TMTC2: variants seen among roughly 807,000 people sequenced by gnomAD.
TMTC2 encodes transmembrane O-mannosyltransferase targeting cadherins 2, also known as protein O-mannosyl-transferase TMTC2.
Under a neutral mutation model 82.4 loss-of-function variants are expected in TMTC2, and 43 were observed. The ratio of observed to expected loss-of-function variants is 0.52; its 90% CI spans 0.41 to 0.67. The LOEUF (loss-of-function observed/expected upper bound fraction) is 0.67. Ranked by LOEUF, TMTC2 falls within the 30% of genes least tolerant of loss-of-function variation. The pLI is 0.00. For synonymous variants in TMTC2, 408 were observed against 381.9 expected, an observed-to-expected ratio of 1.07 and a Z score of -0.80; for missense variants, 919 against 1,012.4, an observed-to-expected ratio of 0.91 and a Z score of 1.25.
intron 2 of TMTC2, among the ~76,000 whole-genome samples, chr12:82,891,733 A>G (rs1873405838): frequency 6.6e-6 from 1 of 152,088 alleles, no homozygotes; most frequent in African/African-American, 2.4e-5. Context: ...GTACATGTGC[A>G]GGATATACAG....
chr12:82,951,299 C>CTT lies in TMTC2; in HGVS notation c.1599-13716_1599-13715dup, dbSNP rs5799600. On this transcript the variant is annotated intron_variant, in intron 4 of 11. Transcript: ENST00000321196. ...CAATACCCTTCCCAGTGGAATTTAA[C>CTT]TTTTTTTTTTGAAATGGAGTCTCGC... 2.5e-4 allele frequency among the ~76,000 whole-genome samples: 37 copies of CTT among 149,660 alleles called. 2 individuals carry two copies. In the South Asian group the frequency reaches 2.7e-3, roughly 11 times the overall value.
At chr12:83,129,772 G>A (rs917449095) in intron 11 of TMTC2, among the ~76,000 whole-genome samples, 11 of 152,008 alleles carry the variant, frequency 7.2e-5, no homozygotes, top group Non-Finnish European at 1.3e-4. Context: ...CAATAATGTG[G>A]GTATTCTCAT....
chr12:82,833,847 C>T (rs181153700), intron 1 of TMTC2, among the ~76,000 whole-genome samples: 1 of 152,246 alleles, frequency 6.6e-6, no homozygotes, highest in Admixed American at 6.5e-5. Flanking sequence ...CCATGGTCTT[C>T]TCTTAAACAA....
At chr12:82,705,438 G>C (rs1341455414) in intron 1 of TMTC2, among the ~76,000 whole-genome samples, 1 of 152,198 alleles carries the variant, frequency 6.6e-6, no homozygotes, top group Non-Finnish European at 1.5e-5. Flanking sequence ...TGTATTCTGA[G>C]AACTTATGTC....
At chr12:83,088,027 T>C (rs908100289) in intron 11 of TMTC2, among the ~76,000 whole-genome samples, 4 of 152,232 alleles carry the variant, frequency 2.6e-5, no homozygotes, top group African/African-American at 7.2e-5. Context: ...AAAATTTGTT[T>C]AGTACAGCCA....
intron 1 of TMTC2, chr12:82,758,819 T>C (rs1876469415): frequency 6.6e-6 from 1 of 152,224 alleles, no homozygotes. Flanking sequence ...GATGTAAATA[T>C]TTATCCAGTG....
chr12:82,857,093 T>A lies in TMTC2; in HGVS notation c.167T>A (p.Leu56Gln). Residue 56 changes from leucine (L) to glutamine (Q), a missense_variant, in exon 2 of 12, where the codon CTA becomes CAA. Physicochemically the swap from Leu to Gln is moderately radical, Grantham distance 113. Transcript: ENST00000321196. ...TACAATGATTTTTGGGGGACTCTTC[T>A]AACCCACAGTGGCAGCCACAAGTCC... ...IFYNDFWGTL[L>Q]THSGSHKSYR... The A allele has an allele frequency of 6.2e-7, 1 of 1,614,008 alleles. No individual in the cohort carries two copies. The highest frequency in any genetic ancestry group is 8.5e-7 in the Non-Finnish European group (1 of 1,180,026).
At chr12:82,717,472 C>A (rs1437650532) in intron 1 of TMTC2, among the ~76,000 whole-genome samples, 2 of 152,168 alleles carry the variant, frequency 1.3e-5, no homozygotes, top group East Asian at 3.9e-4. Context: ...TTCAGGTGAT[C>A]CACCTGCCTC....
intron 1 of TMTC2, among the ~76,000 whole-genome samples, chr12:82,729,532 T>C (rs1874654660): frequency 6.6e-6 from 1 of 152,180 alleles, no homozygotes; most frequent in African/African-American, 2.4e-5. Context: ...AGAACTTTTG[T>C]GTGGACACTG....
intron 1 of TMTC2, chr12:82,690,344 C>T (rs1872524282): frequency 1.0e-6 from 1 of 984,954 alleles, no homozygotes; most frequent in Non-Finnish European, 1.2e-6. Context: ...TAAGGAGAGG[C>T]CAGTGCCAGA....
chr12:82,697,943 G>T (rs997431452), intron 1 of TMTC2, among the ~76,000 whole-genome samples: 3 of 152,190 alleles, frequency 2.0e-5, no homozygotes, highest in Admixed American at 2.0e-4. Context: ...GAGAGTTTAG[G>T]TAGCTGAAAG....
At chr12:82,817,397 T>C (rs1868805743) in intron 1 of TMTC2, among the ~76,000 whole-genome samples, 1 of 152,196 alleles carries the variant, frequency 6.6e-6, no homozygotes, top group South Asian at 2.1e-4. Context: ...TGTTATATAG[T>C]ATTCTTCAGG....
intron 1 of TMTC2, among the ~76,000 whole-genome samples, chr12:82,780,998 A>G (rs1877877392): frequency 6.6e-6 from 1 of 152,094 alleles, no homozygotes; most frequent in Non-Finnish European, 1.5e-5. Context: ...TTTCTAAACT[A>G]CAGTTTCTTT....
intron 1 of TMTC2, among the ~76,000 whole-genome samples, chr12:82,834,889 T>A (rs1378273527): frequency 1.3e-5 from 2 of 152,138 alleles, no homozygotes; most frequent in Non-Finnish European, 2.9e-5. Context: ...TTATTATTTT[T>A]TTTTTTGAGA....
intron 7 of TMTC2, among the ~76,000 whole-genome samples, chr12:82,978,338 T>C (rs796622342): frequency 9.9e-5 from 15 of 151,908 alleles, no homozygotes; most frequent in African/African-American, 3.6e-4. Flanking sequence ...TATTTATTCT[T>C]AGCCCTTCAT....
chr12:82,800,035 T>C (rs74106142), intron 1 of TMTC2, among the ~76,000 whole-genome samples: 369 of 152,164 alleles, frequency 2.4e-3, no homozygotes, highest in African/African-American at 8.2e-3. Context: ...TGTTTGTAGG[T>C]ATGAAGCAGA....
At position 82,928,622 on chromosome 12, in the gene TMTC2, G is replaced by A. The variant is rs1323393653; in HGVS notation, c.1484-1809G>A. On this transcript the variant is annotated intron_variant, in intron 3 of 11. Transcript: ENST00000321196. ...TGTGGTATGAAAATGTTAGGCAGAGGGGAGAAAAAGTTTGGAAACAGCCAG... is the reference window on the plus strand; with the variant it reads ...TGTGGTATGAAAATGTTAGGCAGAGAGGAGAAAAAGTTTGGAAACAGCCAG... Among the ~76,000 whole-genome samples, 4 of 152,154 alleles carry A rather than the reference G, an allele frequency of 2.6e-5. No individual in the cohort carries two copies. The East Asian group carries it at 7.7e-4, about 29-fold the overall frequency.
chr12:82,889,728 A>G (rs1431185929), intron 2 of TMTC2, among the ~76,000 whole-genome samples: 1 of 152,166 alleles, frequency 6.6e-6, no homozygotes, highest in Non-Finnish European at 1.5e-5. Flanking sequence ...GCTGTTATAG[A>G]ATGATTTGGT....
intron 7 of TMTC2, among the ~76,000 whole-genome samples, chr12:82,981,432 C>A (rs1341873312): frequency 1.3e-5 from 2 of 151,830 alleles, no homozygotes; most frequent in Non-Finnish European, 3.0e-5. Flanking sequence ...TGTTCTACAT[C>A]TGAAACTGGT....
Sources: allele counts gnomAD v4.1 joint callset (sites outside exome capture counted in the v4.1 genomes callset), GRCh38; gene constraint gnomAD v4.1.1; transcripts MANE v1.5; gene names NCBI Gene and HGNC (gene_info 2026-07-23, HGNC 2026-07-21).